LENG8: variants seen among roughly 807,000 people sequenced by gnomAD.
The protein encoded by LENG8 is leukocyte receptor cluster member 8, also known as leukocyte receptor cluster (LRC) member 8.
Under a neutral mutation model 102.1 loss-of-function variants are expected in LENG8, and 28 were observed. The ratio of observed to expected loss-of-function variants is 0.27; its 90% confidence interval spans 0.20 to 0.38. The LOEUF (loss-of-function observed/expected upper bound fraction) is 0.38. Ranked by LOEUF, LENG8 falls within the 10% of genes least tolerant of loss-of-function variation. LENG8 has a pLI of 1.00. For missense variants in LENG8, 1,022 were observed against 1,113.9 expected (o/e 0.92, Z 1.17); for synonymous variants, 531 against 456.7 (o/e 1.16, Z -2.07).
In LENG8 at chr19:54,454,402, C is replaced by G. The variant is rs200976656; in HGVS notation, c.427-28C>G. On this transcript the variant is annotated intron_variant, in intron 5 of 15. Transcript: ENST00000326764. ...CTCGCCAGCCCCAGAATCTGCCTCC[C>G]GTGCTCAGCGCCTGCTTCCTTCTGC... 5.8e-4 allele frequency: 912 copies of G among 1,569,734 alleles called. 1 individual carries two copies. Among genetic ancestry groups the G allele is most frequent in the Non-Finnish European group, 7.0e-4 (809 of 1,156,364 alleles).
chr19:54,457,873 T>C (rs779350918), intron 12 of LENG8, 25 bp downstream of exon 12: 119 of 1,613,138 alleles, frequency 7.4e-5, no homozygotes, highest in Non-Finnish European at 9.6e-5. Flanking sequence ...GGGAGGGGCC[T>C]GGCCTCAGCC....
intron 15 of LENG8, chr19:54,459,059 C>T (rs2084400419): frequency 1.4e-6 from 2 of 1,409,434 alleles, no homozygotes; most frequent in South Asian, 1.7e-5. Context: ...CCTGCAGTGT[C>T]CTTCGTTCAC....
rs200457856 is a variant in LENG8 at position 54,454,414 on chromosome 19, C to T, written c.427-16C>T. 5.7e-6 allele frequency: 9 copies of T among 1,589,442 alleles called. No individual in the cohort carries two copies. The highest frequency in any genetic ancestry group is 1.3e-5 in the African/African-American group (1 of 74,554). ...AGAATCTGCCTCCCGTGCTCAGCGC[C>T]TGCTTCCTTCTGCAGCCCCCAGTCC... On this transcript the variant is annotated splice_polypyrimidine_tract_variant and intron_variant, in intron 5 of 15. Coordinates refer to ENST00000326764, the MANE Select transcript of LENG8 (RefSeq NM_052925.4).
At chr19:54,457,884 A>G in intron 12 of LENG8, 36 bp downstream of exon 12, 1 of 1,613,360 alleles carries the variant, frequency 6.2e-7, no homozygotes, top group Non-Finnish European at 8.5e-7. Flanking sequence ...GGCCTCAGCC[A>G]GTCCTGCCTC....
At chr19:54,453,719 G>A in intron 5 of LENG8, 63 bp downstream of exon 5, 2 of 1,198,542 alleles carry the variant, frequency 1.7e-6, no homozygotes, top group Non-Finnish European at 2.4e-6. Context: ...TTTTGAATGA[G>A]CTGTCAATGA....
At chr19:54,455,717 T>C in intron 8 of LENG8, 150 bp downstream of exon 8, 1 of 865,130 alleles carries the variant, frequency 1.2e-6, no homozygotes. Flanking sequence ...GAAGTCCTGG[T>C]TGGAGGGAGG....
intron 10 of LENG8, 57 bp downstream of exon 10, chr19:54,456,522 C>T: frequency 6.5e-7 from 1 of 1,549,122 alleles, no homozygotes; most frequent in Non-Finnish European, 8.7e-7. Flanking sequence ...TACTGGGGAC[C>T]CATGGGAGAA....
chr19:54,458,690 T>G, intron 15 of LENG8, 169 bp downstream of exon 15: 3 of 1,551,552 alleles, frequency 1.9e-6, no homozygotes, highest in Non-Finnish European at 2.6e-6. Flanking sequence ...CAGTTCCTCT[T>G]GCTCTCCTTG....
chr19:54,461,259 C>T lies in LENG8; in HGVS notation c.*331C>T, dbSNP rs566018620. The T allele has an allele frequency of 4.6e-5, 24 of 520,234 alleles. No homozygotes were observed. Among genetic ancestry groups the T allele is most frequent in the East Asian group, 9.2e-5 (2 of 21,782 alleles). 32.2% of individuals were successfully genotyped at this position (520,234 alleles called of 1,614,324 possible). A position where few individuals can be genotyped will look rare whatever the true frequency, so the allele number is the denominator to read the frequency against. On this transcript the variant is annotated 3_prime_UTR_variant, in exon 16 of 16. Transcript: ENST00000326764. ...CTCTCTCTCTTTCGAGCTTGCACTC[C>T]GGTACCCGACCCGGCGCCCTGGCCC...
chr19:54,455,781 G>A (rs936028574), intron 8 of LENG8, among the ~76,000 whole-genome samples, 186 bp from the exon 9 acceptor site: 11 of 152,126 alleles, frequency 7.2e-5, no homozygotes, highest in African/African-American at 2.4e-4. Flanking sequence ...ATTGCTCAGT[G>A]GTTAAGCGCA....
In LENG8 at chr19:54,455,377, C is replaced by T. The variant is rs202195197; in HGVS notation, c.835C>T (p.Arg279Trp). 1.2e-5 allele frequency: 19 copies of T among 1,613,954 alleles called. No individual in the cohort carries two copies. The highest frequency in any genetic ancestry group is 2.2e-5 in the East Asian group (1 of 44,892). Residue 279 changes from arginine (R) to tryptophan (W), a missense_variant, in exon 8 of 16, where the codon CGG (arginine) becomes TGG (tryptophan). Arg to Trp is a moderately radical substitution (Grantham distance 101). Coordinates refer to ENST00000326764, the MANE Select transcript of LENG8 (RefSeq NM_052925.4). ...KVQNHSGSSARGNLSGKPDDW... is the reference protein window; with the variant it reads ...KVQNHSGSSAWGNLSGKPDDW... ...GTCCTCCCGCAGCGGGTCCTCTGCC[C>T]GGGGGAACCTGTCTGGGAAGCCGGA...
intron 1 of LENG8, among the ~76,000 whole-genome samples, chr19:54,450,911 C>T (rs765450934): frequency 2.0e-5 from 3 of 152,172 alleles, no homozygotes; most frequent in Non-Finnish European, 2.9e-5. Flanking sequence ...TGAGCCACCG[C>T]GCCTGGCCCC....
In LENG8 at chr19:54,456,319, C is replaced by T. The variant is rs1290438445; in HGVS notation, c.1305-6C>T. 10 of 1,613,988 alleles carry T rather than the reference C, an allele frequency of 6.2e-6. No homozygotes were observed. The highest frequency in any genetic ancestry group is 7.6e-6 in the Non-Finnish European group (9 of 1,180,008). On this transcript the variant is annotated splice_region_variant and splice_polypyrimidine_tract_variant and intron_variant, in intron 9 of 15. Transcript: ENST00000326764. The stretch of plus-strand genomic sequence containing the variant: ...TCAGGCCTGACCCTCCTGCTTCTTC[C>T]TGCAGTGACTCCCACTCAGACTCCG...
Position 54,458,164 on chromosome 19 carries a change from T to G in LENG8, c.1964T>G (p.Leu655Trp). Residue 655 changes from leucine (L) to tryptophan (W), a missense_variant, in exon 14 of 16, where the codon TTG (leucine) becomes TGG (tryptophan). Leu to Trp is a moderately conservative substitution (Grantham distance 61). Coordinates refer to ENST00000326764, the MANE Select transcript of LENG8 (RefSeq NM_052925.4). Reference protein sequence around the residue: ...TQLKSLYAENLPGNVGEFTAY... With the variant: ...TQLKSLYAENWPGNVGEFTAY... Reference sequence around the variant, plus strand: ...CTCAAGTCGCTGTACGCCGAGAACTTGCCTGGCAATGTGGGCGAGTTTACT... The same window carrying G: ...CTCAAGTCGCTGTACGCCGAGAACTGGCCTGGCAATGTGGGCGAGTTTACT... 1 of 1,614,170 alleles carries G rather than the reference T, an allele frequency of 6.2e-7. No individual in the cohort carries two copies. The highest frequency in any genetic ancestry group is 1.1e-5 in the South Asian group (1 of 91,080).
At position 54,453,595 on chromosome 19, in the gene LENG8, C is replaced by G; in HGVS notation, c.365C>G (p.Ser122Cys). The change falls in exon 5 of 16, where the codon TCC becomes TGC. Residue 122 changes from serine (S) to cysteine (C), a missense_variant. Ser to Cys is a moderately radical substitution (Grantham distance 112, BLOSUM62 -1). Coordinates refer to ENST00000326764, the MANE Select transcript of LENG8 (RefSeq NM_052925.4). ...CCTTCCCAGTATGGGATGGCCGGCT[C>G]CTATGGCTCAGCCACACCCCAGCAG... ...GSPSQYGMAG[S>C]YGSATPQQPS... The G allele has an allele frequency of 6.2e-7, 1 of 1,614,054 alleles. No individual in the cohort carries two copies. Among genetic ancestry groups the G allele is most frequent in the Non-Finnish European group, 8.5e-7 (1 of 1,180,030 alleles).
intron 15 of LENG8, chr19:54,458,792 T>G: frequency 6.4e-7 from 1 of 1,551,186 alleles, no homozygotes; most frequent in East Asian, 2.4e-5. Context: ...CCCATCTGTG[T>G]GTCTCTTCCT....
At chr19:54,452,362 T>C (rs1325631496) in intron 3 of LENG8, 95 bp downstream of exon 3, 3 of 1,161,334 alleles carry the variant, frequency 2.6e-6, no homozygotes, top group African/African-American at 3.1e-5. Context: ...CGGGGTGCTC[T>C]GAGGGGAAAC....
intron 1 of LENG8, 75 bp from the exon 2 acceptor site, chr19:54,451,215 C>A: frequency 1.1e-6 from 1 of 948,620 alleles, no homozygotes; most frequent in Non-Finnish European, 1.7e-6. Context: ...TTGAGTCCAT[C>A]TACTTTTCTT....
At position 54,456,060 on chromosome 19, in the gene LENG8, A is replaced by G. The variant is rs367614961; in HGVS notation, c.1119A>G (p.Thr373=). The G allele has an allele frequency of 1.2e-6, 2 of 1,611,082 alleles. No homozygotes were observed. The highest frequency in any genetic ancestry group is 2.2e-5 in the East Asian group (1 of 44,782). ...CTCCTAGAGGGGCAGGCTCGGCGAC[A>G]AGGGGCGGGGGTGCCCCGTCCCAGC... The part of the protein sequence containing the change: ...LHPPRGAGSA[T]RGGGAPSQRG... The change falls in exon 9 of 16, where the codon ACA becomes ACG. Residue 373 remains threonine, a synonymous_variant. Coordinates refer to ENST00000326764, the MANE Select transcript of LENG8 (RefSeq NM_052925.4).
Sources: allele counts gnomAD v4.1 joint callset (sites outside exome capture counted in the v4.1 genomes callset), GRCh38; gene constraint gnomAD v4.1.1; transcripts MANE v1.5; gene names NCBI Gene and HGNC (gene_info 2026-07-23, HGNC 2026-07-21).